Variants in DPF3 observed in about 807,000 individuals in gnomAD.
DPF3 encodes zinc finger protein DPF3.
In DPF3, 18 loss-of-function variants were observed where a neutral mutation model predicts 56.8. That is an observed-to-expected ratio of 0.32 (90% CI 0.22 to 0.47). The LOEUF is 0.47. DPF3 is among the 20% of genes least tolerant of loss of function. DPF3 has a pLI of 1.00. For missense variants in DPF3, 403 were observed against 488.8 expected, an observed-to-expected ratio of 0.82 and a Z score of 1.65; for synonymous variants, 188 against 180.2, an observed-to-expected ratio of 1.04 and a Z score of -0.35.
At chr14:72,728,924 T>C (rs1240022174) in intron 4 of DPF3, among the ~76,000 whole-genome samples, 1 of 152,018 alleles carries the variant, frequency 6.6e-6, no homozygotes. Flanking sequence ...GGGTGTGAGA[T>C]GAAGTACGGC....
rs1435144319 is a variant in DPF3, at chr14:72,701,279, T to A, written c.605-8066A>T. ...CTTTTCACCTTGGCAAGCGTGCACC[T>A]GGATTTTGTGTTCCTGGCATGGTGC... is the stretch of plus-strand genomic sequence containing the variant. On this transcript the variant is annotated intron_variant, in intron 6 of 10. Coordinates refer to ENST00000556509, the MANE Select transcript of DPF3 (RefSeq NM_001280542.3). Among the ~76,000 whole-genome samples the A allele has an allele frequency of 2.0e-5, 3 of 152,206 alleles. No homozygotes were observed. The East Asian group carries it at 5.8e-4, about 29-fold the overall frequency.
chr14:72,682,056 A>C (rs1274390202), intron 7 of DPF3, among the ~76,000 whole-genome samples: 1 of 152,146 alleles, frequency 6.6e-6, no homozygotes, highest in African/African-American at 2.4e-5. Context: ...TCTACTAAAA[A>C]TACAAAAATT....
chr14:72,642,069 C>T (rs957415210), intron 8 of DPF3, among the ~76,000 whole-genome samples: 1 of 152,156 alleles, frequency 6.6e-6, no homozygotes, highest in Non-Finnish European at 1.5e-5. Context: ...GACCTGAGGC[C>T]TAATGGCAAC....
At chr14:72,626,736 T>A (rs1884854249) in intron 9 of DPF3, among the ~76,000 whole-genome samples, 1 of 152,122 alleles carries the variant, frequency 6.6e-6, no homozygotes, top group African/African-American at 2.4e-5. Context: ...GCATATTAGC[T>A]CTGTTAGGTA....
In DPF3 at chr14:72,613,360, G is replaced by C. The variant is rs1411568810; in HGVS notation, c.*5937C>G. Among the ~76,000 whole-genome samples, 1 of 152,210 alleles carries C rather than the reference G, an allele frequency of 6.6e-6. No individual in the cohort carries two copies. Among genetic ancestry groups the C allele is most frequent in the Non-Finnish European group, 1.5e-5 (1 of 68,044 alleles). On this transcript the variant is annotated 3_prime_UTR_variant, in exon 11 of 11. Transcript: ENST00000556509. ...ATGCCTGGGCTAGAGGTCATGATAAGTAATTATATCTCTGTCCAAGAGGGT... is the reference window on the plus strand; with the variant it reads ...ATGCCTGGGCTAGAGGTCATGATAACTAATTATATCTCTGTCCAAGAGGGT...
chr14:72,752,173 T>C (rs914537551), intron 3 of DPF3, among the ~76,000 whole-genome samples: 3 of 152,174 alleles, frequency 2.0e-5, no homozygotes, highest in Admixed American at 1.3e-4. Flanking sequence ...TGCAATGCTG[T>C]GGTGACAGTG....
In DPF3 at chr14:72,616,520, A is replaced by G. The variant is rs944109764; in HGVS notation, c.*2777T>C. 5.9e-5 allele frequency among the ~76,000 whole-genome samples: 9 copies of G among 152,188 alleles called. No homozygotes were observed. In the East Asian group the frequency reaches 9.6e-4, roughly 16 times the overall value. Reference sequence around the variant, plus strand: ...GGCTAATGCACACAAGAAGGCGGACATGGAAAACATCCGGAGTTCTTCCCA... The same window carrying G: ...GGCTAATGCACACAAGAAGGCGGACGTGGAAAACATCCGGAGTTCTTCCCA... On this transcript the variant is annotated 3_prime_UTR_variant, in exon 11 of 11. Coordinates refer to ENST00000556509, the MANE Select transcript of DPF3 (RefSeq NM_001280542.3).
At chr14:72,824,551 C>CTTT (rs375498304) in intron 1 of DPF3, among the ~76,000 whole-genome samples, 11,456 of 143,098 alleles carry the variant, frequency 0.08, 563 homozygotes, top group South Asian at 0.17. Flanking sequence ...TTTTCTTTTT[C>CTTT]TTTTTTTTTT....
chr14:72,612,993 C>CGTGTGTGTGTGT lies in DPF3; in HGVS notation c.*6292_*6303dup, dbSNP rs59321921. Among the ~76,000 whole-genome samples, 354 of 148,946 alleles carry CGTGTGTGTGTGT rather than the reference C, an allele frequency of 2.4e-3. 1 individual carries two copies. Among genetic ancestry groups the CGTGTGTGTGTGT allele is most frequent in the East Asian group, 0.022 (109 of 4,936 alleles). On this transcript the variant is annotated 3_prime_UTR_variant, in exon 11 of 11. Coordinates refer to ENST00000556509, the MANE Select transcript of DPF3 (RefSeq NM_001280542.3). ...TTTCCCTTTGGTTCATTAAGTAGGG[C>CGTGTGTGTGTGT]GTGTGTGTGTGTGTGTGTGTGTGTG...
intron 2 of DPF3, among the ~76,000 whole-genome samples, chr14:72,764,432 A>G (rs1439278640): frequency 7.0e-6 from 1 of 142,884 alleles, no homozygotes; most frequent in Non-Finnish European, 1.5e-5. Flanking sequence ...TTTCAGATAC[A>G]TGTCCTTCGT....
chr14:72,657,175 A>C (rs563294380), intron 8 of DPF3, among the ~76,000 whole-genome samples: 2 of 152,328 alleles, frequency 1.3e-5, no homozygotes, highest in South Asian at 4.1e-4. Context: ...GCCATTAAAG[A>C]ATCTGTGCTG....
chr14:72,799,166 A>G (rs76956185), intron 1 of DPF3, among the ~76,000 whole-genome samples: 1,713 of 152,262 alleles, frequency 0.011, 20 homozygotes, highest in Non-Finnish European at 0.017. Flanking sequence ...TGACAGTGCA[A>G]TTGTAATACC....
intron 7 of DPF3, among the ~76,000 whole-genome samples, chr14:72,677,972 G>A (rs567174525): frequency 5.4e-5 from 6 of 110,336 alleles, no homozygotes; most frequent in Non-Finnish European, 7.1e-5. Context: ...GTTCAACTGC[G>A]TATTGAAAGG....
At chr14:72,875,400 C>T (rs1006765054) in intron 1 of DPF3, among the ~76,000 whole-genome samples, 1 of 152,116 alleles carries the variant, frequency 6.6e-6, no homozygotes, top group African/African-American at 2.4e-5. Context: ...GGGCAAGACC[C>T]TGTCTCAAAA....
intron 1 of DPF3, among the ~76,000 whole-genome samples, chr14:72,828,477 G>A (rs1883909914): frequency 7.0e-6 from 1 of 142,732 alleles, no homozygotes; most frequent in Non-Finnish European, 1.5e-5. Context: ...GGTGGAGGCT[G>A]CAGTGAGCCA....
intron 1 of DPF3, among the ~76,000 whole-genome samples, chr14:72,826,361 G>T (rs76037696): frequency 7.9e-5 from 12 of 152,122 alleles, no homozygotes; most frequent in Non-Finnish European, 1.3e-4. Flanking sequence ...CTTCCTCCCT[G>T]CACTCTGCCT....
chr14:72,892,202 C>T (rs1428466234), intron 1 of DPF3: 2 of 1,535,312 alleles, frequency 1.3e-6, no homozygotes, highest in Non-Finnish European at 1.7e-6. Context: ...GGCATCAGCC[C>T]GGTTATGTGA....
intron 2 of DPF3, among the ~76,000 whole-genome samples, chr14:72,758,459 A>G (rs1409629517): frequency 6.6e-6 from 1 of 152,226 alleles, no homozygotes; most frequent in Non-Finnish European, 1.5e-5. Flanking sequence ...GACCACAGTG[A>G]CTAGAACCCA....
At chr14:72,670,146 G>A in intron 8 of DPF3, 2 of 985,884 alleles carry the variant, frequency 2.0e-6, no homozygotes, top group Non-Finnish European at 2.4e-6. Context: ...ATCATCCAAT[G>A]GGTATTGATA....
Sources: gnomAD v4.1 joint callset for allele counts (sites outside exome capture counted in the v4.1 genomes callset) on GRCh38, gnomAD v4.1.1 for gene constraint, MANE v1.5 for transcripts, NCBI Gene and HGNC (gene_info 2026-07-23, HGNC 2026-07-21) for gene names.